Variants in HIRA observed in about 807,000 individuals in gnomAD.
HIRA encodes protein HIRA.
HIRA carries 13 observed loss-of-function variants against 126.6 expected under a neutral mutation model. The ratio of observed to expected loss-of-function variants is 0.10; its 90% CI spans 0.07 to 0.16. The LOEUF (loss-of-function observed/expected upper bound fraction) is 0.16. Among genes scored for constraint, HIRA ranks in the 10% least tolerant of loss-of-function variants. HIRA has a pLI of 1.00. For missense variants in HIRA, 834 were observed against 1,314.4 expected (o/e 0.63, Z 5.65); for synonymous variants, 511 against 520.0 (o/e 0.98, Z 0.24).
intron 20 of HIRA, 35 bp from the exon 21 acceptor site, chr22:19,355,900 T>G: frequency 7.0e-7 from 1 of 1,430,076 alleles, no homozygotes; most frequent in Non-Finnish European, 9.8e-7. Context: ...CTGGGTGTGC[T>G]CTGATCAGCA....
At chr22:19,384,896 C>T (rs1222771416) in intron 12 of HIRA, among the ~76,000 whole-genome samples, 7 of 151,890 alleles carry the variant, frequency 4.6e-5, no homozygotes, top group East Asian at 3.9e-4. Flanking sequence ...TCAAGTGATC[C>T]GCCTGCCTCA....
chr22:19,405,642 G>T, intron 5 of HIRA, 144 bp downstream of exon 5: 1 of 849,544 alleles, frequency 1.2e-6, no homozygotes. Context: ...GGGACAGGCA[G>T]GGTGTGACTG....
At chr22:19,346,696 T>C (rs554818644) in intron 24 of HIRA, among the ~76,000 whole-genome samples, 1 of 152,322 alleles carries the variant, frequency 6.6e-6, no homozygotes, top group African/African-American at 2.4e-5. Context: ...TCTTTTCTGA[T>C]GAGAGGGTGA....
rs756003742 is a variant in HIRA at position 19,361,717 on chromosome 22, C to G, written c.1980+10G>C. On this transcript the variant is annotated intron_variant, in intron 16 of 24. Coordinates refer to ENST00000263208, the MANE Select transcript of HIRA (RefSeq NM_003325.4). ...GGCTAAAGAAGGCAGGATGGGCCCA[C>G]TGGCCTCACCTGGACAGACAGAGAC... 1 of 1,612,026 alleles carries G rather than the reference C, an allele frequency of 6.2e-7. No individual in the cohort carries two copies. The highest frequency in any genetic ancestry group is 8.5e-7 in the Non-Finnish European group (1 of 1,179,728).
At chr22:19,428,147 T>C (rs192989250) in intron 1 of HIRA, among the ~76,000 whole-genome samples, 10 of 152,334 alleles carry the variant, frequency 6.6e-5, no homozygotes, top group South Asian at 4.1e-4. Context: ...AGCTAGTAAA[T>C]GATGCAGTTT....
chr22:19,361,122 G>C (rs1462957717), intron 17 of HIRA, 115 bp downstream of exon 17: 2 of 795,212 alleles, frequency 2.5e-6, no homozygotes, highest in Admixed American at 2.2e-5. Flanking sequence ...GAAGGTGATG[G>C]AGAGCCACTG....
rs782112333 is a variant in HIRA at position 19,356,898 on chromosome 22, G to A, written c.2388C>T (p.Leu796=). 1 of 1,613,792 alleles carries A rather than the reference G, an allele frequency of 6.2e-7. No homozygotes were observed. The highest frequency in any genetic ancestry group is 8.5e-7 in the Non-Finnish European group (1 of 1,179,946). Residue 796 remains leucine, a synonymous_variant, in exon 19 of 25, where the codon CTC becomes CTT. Coordinates refer to ENST00000263208, the MANE Select transcript of HIRA (RefSeq NM_003325.4). ...YVMALTAAAT[L]SVWDVHRQVV... The stretch of plus-strand genomic sequence containing the variant: ...CTGTGCCTGCCTCTCACCAGACAGA[G>A]AGTGTGGCTGCAGCGGTGAGCGCCA...
intron 13 of HIRA, among the ~76,000 whole-genome samples, chr22:19,379,955 C>T (rs886335515): frequency 2.6e-5 from 4 of 151,866 alleles, no homozygotes; most frequent in Admixed American, 1.3e-4. Flanking sequence ...ACTACAGGGG[C>T]GTGCCACCAC....
chr22:19,367,277 C>T (rs1455576476), intron 15 of HIRA, among the ~76,000 whole-genome samples: 1 of 152,016 alleles, frequency 6.6e-6, no homozygotes, highest in Non-Finnish European at 1.5e-5. Flanking sequence ...TCCAGGACCC[C>T]CAGGAGATAT....
intron 24 of HIRA, among the ~76,000 whole-genome samples, chr22:19,341,887 T>C (rs2088633183): frequency 6.6e-6 from 1 of 152,208 alleles, no homozygotes; most frequent in African/African-American, 2.4e-5. Context: ...AGACATTGGC[T>C]TAGGCAAATA....
intron 18 of HIRA, among the ~76,000 whole-genome samples, chr22:19,358,694 C>T (rs559815288): frequency 6.6e-6 from 1 of 152,108 alleles, no homozygotes; most frequent in Non-Finnish European, 1.5e-5. Flanking sequence ...TACATGGGAC[C>T]TCATGGCAGA....
At chr22:19,392,269 C>G in intron 8 of HIRA, 55 bp from the exon 9 acceptor site, 1 of 1,124,604 alleles carries the variant, frequency 8.9e-7, no homozygotes, top group Non-Finnish European at 1.3e-6. Flanking sequence ...GGCATGTCCC[C>G]TGTGCCCAAG....
At chr22:19,380,190 G>A (rs1221953202) in intron 13 of HIRA, among the ~76,000 whole-genome samples, 1 of 152,016 alleles carries the variant, frequency 6.6e-6, no homozygotes, top group East Asian at 1.9e-4. Context: ...TTTGACCTCT[G>A]AGATTATAAA....
At chr22:19,414,652 G>A (rs1347391182) in intron 1 of HIRA, among the ~76,000 whole-genome samples, 1 of 152,216 alleles carries the variant, frequency 6.6e-6, no homozygotes, top group African/African-American at 2.4e-5. Flanking sequence ...TTTAACCAAT[G>A]TTGACAAATT....
intron 15 of HIRA, among the ~76,000 whole-genome samples, chr22:19,369,359 G>A (rs963041545): frequency 1.3e-5 from 2 of 152,068 alleles, no homozygotes; most frequent in Admixed American, 6.5e-5. Flanking sequence ...CCACTGTGAC[G>A]CACAATGAAG....
chr22:19,429,214 T>C (rs996106074), intron 1 of HIRA, among the ~76,000 whole-genome samples: 3 of 134,302 alleles, frequency 2.2e-5, no homozygotes, highest in Non-Finnish European at 3.1e-5. Flanking sequence ...CTCGGCTCAC[T>C]GCAACCTCTA....
chr22:19,352,996 A>G (rs564894082), intron 23 of HIRA, among the ~76,000 whole-genome samples: 123 of 152,322 alleles, frequency 8.1e-4, no homozygotes, highest in African/African-American at 2.9e-3. Context: ...GGAGGAAGAG[A>G]ACCACTGCTA....
rs1397162180 is a variant in HIRA at position 19,354,265 on chromosome 22, T to G, written c.2562-147A>C. On this transcript the variant is annotated intron_variant, in intron 21 of 24. Coordinates refer to ENST00000263208, the MANE Select transcript of HIRA (RefSeq NM_003325.4). ...CAGTAGAGGCTGAGCGCCCCTGCAC[T>G]TCCGCACAGGCGCCTATCACTGACA... 4 of 706,318 alleles carry G rather than the reference T, an allele frequency of 5.7e-6. No homozygotes were observed. In the Admixed American group the frequency reaches 9.0e-5, roughly 16 times the overall value. 43.8% of individuals were successfully genotyped at this position (706,318 alleles called of 1,614,324 possible).
intron 17 of HIRA, among the ~76,000 whole-genome samples, chr22:19,360,950 G>A (rs748532672): frequency 5.9e-5 from 9 of 152,214 alleles, no homozygotes; most frequent in Non-Finnish European, 1.0e-4. Context: ...CAGGACACCT[G>A]AGAGGAGTCC....
Sources: allele counts gnomAD v4.1 joint callset (sites outside exome capture counted in the v4.1 genomes callset), GRCh38; gene constraint gnomAD v4.1.1; transcripts MANE v1.5; gene names NCBI Gene and HGNC (gene_info 2026-07-23, HGNC 2026-07-21).